PIGU: variants seen among roughly 807,000 people sequenced by gnomAD.
PIGU encodes the protein phosphatidylinositol glycan anchor biosynthesis class U, also known as GPI-anchor transamidase component PIGU.
A neutral mutation model predicts 49.9 loss-of-function variants in PIGU; 24 were observed. The ratio of observed to expected loss-of-function variants is 0.48; its 90% confidence interval spans 0.35 to 0.68. PIGU has a LOEUF of 0.68. Among genes scored for constraint, PIGU ranks in the 30% least tolerant of loss-of-function variants. PIGU has a pLI of 0.01. For synonymous variants in PIGU, 220 were observed against 205.7 expected (o/e 1.07, Z -0.59); for missense variants, 490 against 532.6 (o/e 0.92, Z 0.79).
intron 11 of PIGU, among the ~76,000 whole-genome samples, chr20:34,574,857 C>A (rs1296382838): frequency 6.6e-6 from 1 of 152,196 alleles, no homozygotes. Context: ...CATGCCCTGT[C>A]TCCTAGGCTT....
rs10711315 is a variant in PIGU, at chr20:34,676,024, TAA to T, written c.130+930_130+931del. Among the ~76,000 whole-genome samples the T allele has an allele frequency of 4.2e-3, 555 of 132,570 alleles. 2 individuals are homozygous for T. The highest frequency in any genetic ancestry group is 0.011 in the African/African-American group (387 of 34,492). The allele number at this position is 132,570 out of a possible 152,430, so 87.0% of individuals were successfully genotyped here. On this transcript the variant is annotated intron_variant, in intron 1 of 11. Coordinates refer to ENST00000217446, the MANE Select transcript of PIGU (RefSeq NM_080476.5). ...GCATTGTATGTATACTGTACTTCAGTAAAAAAAAAAAAAAAAAAGTTGTTTGT... is the reference window on the plus strand; with the variant it reads ...GCATTGTATGTATACTGTACTTCAGTAAAAAAAAAAAAAAAAGTTGTTTGT...
chr20:34,608,735 A>G (rs1252480856), intron 7 of PIGU, among the ~76,000 whole-genome samples: 1 of 152,178 alleles, frequency 6.6e-6, no homozygotes, highest in African/African-American at 2.4e-5. Flanking sequence ...ATCAGGGTAC[A>G]GCCACTCACT....
At chr20:34,637,323 G>A (rs1985998985) in intron 5 of PIGU, among the ~76,000 whole-genome samples, 1 of 152,198 alleles carries the variant, frequency 6.6e-6, no homozygotes, top group Non-Finnish European at 1.5e-5. Context: ...GCCTATCTCA[G>A]GAAGATAAAT....
intron 1 of PIGU, among the ~76,000 whole-genome samples, chr20:34,659,316 C>T (rs1986849969): frequency 6.7e-6 from 1 of 148,376 alleles, no homozygotes; most frequent in Non-Finnish European, 1.5e-5. Flanking sequence ...GGTCAGCCCC[C>T]CGCCCGGCCA....
chr20:34,638,563 G>A (rs774889548), intron 4 of PIGU, among the ~76,000 whole-genome samples: 10 of 152,202 alleles, frequency 6.6e-5, no homozygotes, highest in Non-Finnish European at 1.2e-4. Context: ...GCCATTTGAA[G>A]AGTTATCATC....
intron 1 of PIGU, among the ~76,000 whole-genome samples, chr20:34,666,605 C>A (rs1453797821): frequency 6.6e-6 from 1 of 151,172 alleles, no homozygotes; most frequent in Non-Finnish European, 1.5e-5. Flanking sequence ...AATCAGCTCA[C>A]TGCAGCCTTA....
rs1412365978 is a variant in PIGU, at chr20:34,668,483, A to AAAAAAG, written c.130+8472_130+8473insCTTTTT. On this transcript the variant is annotated intron_variant, in intron 1 of 11. Coordinates refer to ENST00000217446, the MANE Select transcript of PIGU (RefSeq NM_080476.5). ...TCTCAAAAAAAAAAAAAAAAAAAAA[A>AAAAAAG]GGGGGGGGCGGGCGTGCTGGCTCAC... Among the ~76,000 whole-genome samples the AAAAAAG allele has an allele frequency of 1.6e-3, 138 of 88,630 alleles. 4 individuals are homozygous for AAAAAAG. The highest frequency in any genetic ancestry group is 8.1e-3 in the Middle Eastern group (1 of 124). The allele number at this position is 88,630 out of a possible 152,430, so 58.1% of individuals were successfully genotyped here. A position where few individuals can be genotyped will look rare whatever the true frequency, so the allele number is the denominator to read the frequency against.
At chr20:34,628,316 T>G (rs753589405) in intron 6 of PIGU, among the ~76,000 whole-genome samples, 63 of 151,290 alleles carry the variant, frequency 4.2e-4, no homozygotes, top group Non-Finnish European at 6.8e-4. Flanking sequence ...GACCCCATTA[T>G]CCACAAAAAG....
Position 34,631,414 on chromosome 20 carries a change from C to G in PIGU, c.529+3201G>C, listed in dbSNP as rs182506613. 2.6e-4 allele frequency among the ~76,000 whole-genome samples: 40 copies of G among 152,048 alleles called. No individual in the cohort carries two copies. The East Asian group carries it at 5.6e-3, about 21-fold the overall frequency. The stretch of plus-strand genomic sequence containing the variant: ...TGGAAAAGTTGTTCAGGAACACCCT[C>G]TAGAACTAAAGACACTAGTTTCCAT... On this transcript the variant is annotated intron_variant, in intron 6 of 11. Coordinates refer to ENST00000217446, the MANE Select transcript of PIGU (RefSeq NM_080476.5).
At chr20:34,617,252 G>A (rs532115855) in intron 6 of PIGU, among the ~76,000 whole-genome samples, 34 of 152,274 alleles carry the variant, frequency 2.2e-4, no homozygotes, top group Non-Finnish European at 4.0e-4. Flanking sequence ...TTCCAGAATG[G>A]TAGATCCACC....
chr20:34,648,791 C>T (rs576003205), intron 2 of PIGU, among the ~76,000 whole-genome samples: 53 of 152,124 alleles, frequency 3.5e-4, no homozygotes, highest in Admixed American at 1.1e-3. Flanking sequence ...TCAAGCAATC[C>T]GCCTGCCTCA....
intron 4 of PIGU, among the ~76,000 whole-genome samples, chr20:34,641,323 T>A (rs1986153637): frequency 6.6e-6 from 1 of 152,190 alleles, no homozygotes; most frequent in Admixed American, 6.6e-5. Flanking sequence ...TCCCTACTCC[T>A]CTCCAACTGT....
At chr20:34,659,813 C>T (rs1035101158) in intron 1 of PIGU, among the ~76,000 whole-genome samples, 3 of 152,010 alleles carry the variant, frequency 2.0e-5, no homozygotes, top group Admixed American at 6.6e-5. Flanking sequence ...GGATTAAGGG[C>T]GGTGCAAGAT....
In PIGU at chr20:34,575,242, C is replaced by T. The variant is rs763843995; in HGVS notation, c.1056G>A (p.Leu352=). ...TGCAGGTGAGGACAAAGATGTTTCT[C>T]AGGACTGCAAAGACAGAGGGTTACA... ...FPVWNHLYRF[L]RNIFVLTCII... Residue 352 remains leucine (L), a synonymous_variant, in exon 11 of 12, where the codon CTG becomes CTA. Transcript: ENST00000217446. 40 of 1,613,834 alleles carry T rather than the reference C, an allele frequency of 2.5e-5. No homozygotes were observed. Among genetic ancestry groups the T allele is most frequent in the Non-Finnish European group, 3.3e-5 (39 of 1,179,914 alleles).
At chr20:34,588,644 T>C (rs1431663134) in intron 7 of PIGU, 37 bp from the exon 8 acceptor site, 1 of 1,588,086 alleles carries the variant, frequency 6.3e-7, no homozygotes, top group Non-Finnish European at 8.6e-7. Context: ...CTTAGGGATG[T>C]AAACAACAGA....
At chr20:34,567,271 C>T (rs1982812511) in intron 11 of PIGU, among the ~76,000 whole-genome samples, 1 of 152,202 alleles carries the variant, frequency 6.6e-6, no homozygotes, top group Non-Finnish European at 1.5e-5. Context: ...CAGGCCGGAG[C>T]GGACATTATG....
chr20:34,599,787 T>C (rs1049612371), intron 7 of PIGU, among the ~76,000 whole-genome samples: 1 of 152,210 alleles, frequency 6.6e-6, no homozygotes, highest in Non-Finnish European at 1.5e-5. Flanking sequence ...TTACTGTTAA[T>C]AGATCTTAGG....
intron 7 of PIGU, among the ~76,000 whole-genome samples, chr20:34,609,875 G>C (rs1437898666): frequency 6.6e-6 from 1 of 152,162 alleles, no homozygotes; most frequent in Non-Finnish European, 1.5e-5. Context: ...TACCCCCAAT[G>C]CTGCTGTTCT....
chr20:34,573,597 G>C (rs1983102534), intron 11 of PIGU, among the ~76,000 whole-genome samples: 1 of 152,204 alleles, frequency 6.6e-6, no homozygotes, highest in Non-Finnish European at 1.5e-5. Flanking sequence ...AACCTCCCTA[G>C]AGGCCCAGGG....
Sources: gnomAD v4.1 joint callset for allele counts (sites outside exome capture counted in the v4.1 genomes callset) on GRCh38, gnomAD v4.1.1 for gene constraint, MANE v1.5 for transcripts, NCBI Gene and HGNC (gene_info 2026-07-23, HGNC 2026-07-21) for gene names.